TMEM132C: variants seen among roughly 807,000 people sequenced by gnomAD.
The protein encoded by TMEM132C is protein phosphatase 1, regulatory subunit 152.
In TMEM132C, 29 loss-of-function variants were observed where a neutral mutation model predicts 61.4. The ratio of observed to expected loss-of-function variants is 0.47; its 90% CI spans 0.35 to 0.64. The LOEUF is 0.64. Among genes scored for constraint, TMEM132C ranks in the 30% least tolerant of loss-of-function variants. The probability of loss-of-function intolerance (pLI) is 0.00; values close to 1 mark genes in which losing one functional copy is unlikely to be tolerated. For missense variants in TMEM132C, 1,408 were observed against 1,476.9 expected (o/e 0.95, Z 0.76); for synonymous variants, 656 against 633.1 (o/e 1.04, Z -0.54).
At chr12:128,676,261 A>T (rs1435479573) in intron 5 of TMEM132C, among the ~76,000 whole-genome samples, 3 of 151,844 alleles carry the variant, frequency 2.0e-5, no homozygotes, top group African/African-American at 7.3e-5. Context: ...CTTTTTTTTT[A>T]AATTTTTAAA....
chr12:128,544,656 T>C (rs1457826159), intron 3 of TMEM132C, among the ~76,000 whole-genome samples: 13 of 152,192 alleles, frequency 8.5e-5, no homozygotes, highest in Admixed American at 2.0e-4. Flanking sequence ...GGGGGAATCA[T>C]GTGCCAATAT....
rs144095627 is a variant in TMEM132C, at chr12:128,690,178, C to A, written c.1450-3651C>A. On this transcript the variant is annotated intron_variant, in intron 5 of 8. Coordinates refer to ENST00000435159, the MANE Select transcript of TMEM132C (RefSeq NM_001136103.3). The stretch of plus-strand genomic sequence containing the variant: ...ACTGATTTCTGGGCCATGGCTACCA[C>A]GCATTCTGTCCGCATAGTTTAGATA... 8.8e-4 allele frequency among the ~76,000 whole-genome samples: 134 copies of A among 152,322 alleles called. 3 individuals are homozygous for A. The East Asian group carries it at 0.018, about 21-fold the overall frequency.
intron 1 of TMEM132C, among the ~76,000 whole-genome samples, chr12:128,335,348 C>T (rs368127918): frequency 1.3e-5 from 2 of 152,110 alleles, no homozygotes; most frequent in Non-Finnish European, 1.5e-5. Context: ...TGTAAATTTG[C>T]GTTTATGCAA....
intron 2 of TMEM132C, among the ~76,000 whole-genome samples, chr12:128,486,916 CACACAG>C: frequency 8.5e-6 from 1 of 117,332 alleles, no homozygotes; most frequent in Admixed American, 8.2e-5. Context: ...CACACACACA[CACACAG>C]CTCAGCACTT....
chr12:128,419,168 AG>A (rs1450413750), intron 2 of TMEM132C, among the ~76,000 whole-genome samples: 1 of 152,134 alleles, frequency 6.6e-6, no homozygotes, highest in African/African-American at 2.4e-5. Flanking sequence ...GGGCATAGTT[AG>A]TACAGCCTCC....
rs559071453 is a variant in TMEM132C, at chr12:128,667,019, G to A, written c.1306-2398G>A. On this transcript the variant is annotated intron_variant, in intron 4 of 8. Coordinates refer to ENST00000435159, the MANE Select transcript of TMEM132C (RefSeq NM_001136103.3). ...CGGGAGGCGGAGCTTGCAGTGAGCC[G>A]AGGTCGCGCCACTGCACTCCAGCCT... 3.9e-5 allele frequency among the ~76,000 whole-genome samples: 6 copies of A among 152,298 alleles called. No homozygotes were observed. The South Asian group carries it at 6.2e-4, about 16-fold the overall frequency.
At chr12:128,548,635 A>T (rs1191132529) in intron 3 of TMEM132C, among the ~76,000 whole-genome samples, 1 of 152,174 alleles carries the variant, frequency 6.6e-6, no homozygotes, top group African/African-American at 2.4e-5. Flanking sequence ...AGGCACTAGG[A>T]TGTGGACAAA....
At chr12:128,489,920 C>T (rs1300417732) in intron 2 of TMEM132C, among the ~76,000 whole-genome samples, 2 of 152,142 alleles carry the variant, frequency 1.3e-5, no homozygotes, top group African/African-American at 2.4e-5. Context: ...CCTGGATGTT[C>T]CCTTTCGTCC....
chr12:128,373,011 A>G (rs1874076836), intron 1 of TMEM132C, among the ~76,000 whole-genome samples: 1 of 152,198 alleles, frequency 6.6e-6, no homozygotes, highest in Non-Finnish European at 1.5e-5. Flanking sequence ...TGCCCATTAC[A>G]AAGGATATTA....
chr12:128,418,477 TTCTC>T (rs1868860840), intron 2 of TMEM132C, among the ~76,000 whole-genome samples: 1 of 152,206 alleles, frequency 6.6e-6, no homozygotes, highest in Non-Finnish European at 1.5e-5. Flanking sequence ...ATCTCCCTCT[TTCTC>T]TCCCCCTCTG....
intron 8 of TMEM132C, among the ~76,000 whole-genome samples, chr12:128,704,154 C>A (rs1252695903): frequency 6.6e-6 from 1 of 152,094 alleles, no homozygotes; most frequent in East Asian, 1.9e-4. Flanking sequence ...GAATATTATT[C>A]AGCCATAAAA....
chr12:128,682,527 G>A (rs1181000972), intron 5 of TMEM132C, among the ~76,000 whole-genome samples: 1 of 152,334 alleles, frequency 6.6e-6, no homozygotes, highest in South Asian at 2.1e-4. Context: ...CTAGGAAGGC[G>A]TTGGTCCTGC....
intron 1 of TMEM132C, among the ~76,000 whole-genome samples, chr12:128,359,530 GTT>G (rs1430593670): frequency 6.6e-6 from 1 of 152,202 alleles, no homozygotes; most frequent in Non-Finnish European, 1.5e-5. Context: ...TTTTTGAGGA[GTT>G]TCTAAGACTT....
chr12:128,352,703 T>G (rs1344361441), intron 1 of TMEM132C, among the ~76,000 whole-genome samples: 2 of 152,146 alleles, frequency 1.3e-5, no homozygotes, highest in Non-Finnish European at 2.9e-5. Flanking sequence ...ATAGATTTGA[T>G]TTGTAGAACC....
At chr12:128,382,864 ATGTGTGTGTTTGTGC>A (rs2135992353) in intron 1 of TMEM132C, among the ~76,000 whole-genome samples, 1 of 152,154 alleles carries the variant, frequency 6.6e-6, no homozygotes, top group East Asian at 1.9e-4. Context: ...GTATCTGAGT[ATGTGTGTGTTTGTGC>A]TGTGTGTACC....
chr12:128,604,937 G>T (rs1180414132), intron 3 of TMEM132C, among the ~76,000 whole-genome samples: 1 of 150,480 alleles, frequency 6.6e-6, no homozygotes, highest in Non-Finnish European at 1.5e-5. Context: ...TGGATGCATA[G>T]ATAATAAATA....
intron 1 of TMEM132C, among the ~76,000 whole-genome samples, chr12:128,323,786 G>C (rs566009096): frequency 6.6e-6 from 1 of 152,198 alleles, no homozygotes; most frequent in South Asian, 2.1e-4. Flanking sequence ...GCTCAGCTGC[G>C]CTCAGGCTGG....
chr12:128,462,804 G>A (rs1179983201), intron 2 of TMEM132C, among the ~76,000 whole-genome samples: 1 of 152,214 alleles, frequency 6.6e-6, no homozygotes, highest in Non-Finnish European at 1.5e-5. Context: ...TGGAGGAAGA[G>A]AAAGAAGATG....
chr12:128,683,299 C>T (rs11059829), intron 5 of TMEM132C, among the ~76,000 whole-genome samples: 2,936 of 152,284 alleles, frequency 0.019, 88 homozygotes, highest in South Asian at 0.13. Flanking sequence ...GCACTGGGCT[C>T]GTTCCCCTAC....
Sources: allele counts gnomAD v4.1 joint callset (sites outside exome capture counted in the v4.1 genomes callset), GRCh38; gene constraint gnomAD v4.1.1; transcripts MANE v1.5; gene names NCBI Gene and HGNC (gene_info 2026-07-23, HGNC 2026-07-21).